SH3PXD2A: variants seen among roughly 807,000 people sequenced by gnomAD.
SH3PXD2A encodes the protein SH3 and PX domains 2A.
In SH3PXD2A, 32 loss-of-function variants were observed where a neutral mutation model predicts 115.2. The observed-to-expected ratio is 0.28, with a 90% CI of 0.21 to 0.37. The LOEUF is 0.37. Ranked by LOEUF, SH3PXD2A falls within the 10% of genes least tolerant of loss-of-function variation. The pLI is 1.00. For missense variants in SH3PXD2A, 1,328 were observed against 1,498.7 expected (o/e 0.89, Z 1.88); for synonymous variants, 610 against 629.1 (o/e 0.97, Z 0.45).
intron 8 of SH3PXD2A, among the ~76,000 whole-genome samples, chr10:103,658,215 G>A (rs2037239416): frequency 6.6e-6 from 1 of 152,174 alleles, no homozygotes; most frequent in Non-Finnish European, 1.5e-5. Flanking sequence ...GAGGTGGCTG[G>A]GTCCCCCTGT....
intron 8 of SH3PXD2A, among the ~76,000 whole-genome samples, chr10:103,651,966 C>G (rs551532731): frequency 6.6e-6 from 1 of 152,220 alleles, no homozygotes; most frequent in African/African-American, 2.4e-5. Context: ...GATCTGCTAT[C>G]GCACACCAGT....
intron 9 of SH3PXD2A, among the ~76,000 whole-genome samples, chr10:103,625,750 C>T (rs2036681618): frequency 6.6e-6 from 1 of 152,132 alleles, no homozygotes; most frequent in South Asian, 2.1e-4. Flanking sequence ...ATTAGCCAGG[C>T]GTAGTGGTAG....
intron 3 of SH3PXD2A, 136 bp from the exon 4 acceptor site, chr10:103,735,944 AAG>A (rs1437305675): frequency 1.3e-6 from 1 of 768,566 alleles, no homozygotes; most frequent in African/African-American, 1.7e-5. Flanking sequence ...TCAAGGAAAC[AAG>A]AGAGAAACAG....
At chr10:103,688,243 C>A (rs2037704569) in intron 6 of SH3PXD2A, among the ~76,000 whole-genome samples, 1 of 152,196 alleles carries the variant, frequency 6.6e-6, no homozygotes, top group Non-Finnish European at 1.5e-5. Flanking sequence ...AGGCAATGAT[C>A]CCCAATTTAA....
At chr10:103,679,577 C>T (rs1160538202) in intron 6 of SH3PXD2A, among the ~76,000 whole-genome samples, 1 of 152,234 alleles carries the variant, frequency 6.6e-6, no homozygotes, top group Non-Finnish European at 1.5e-5. Context: ...GACCAGAACC[C>T]TGTGGCCAAA....
At chr10:103,759,207 C>T (rs982148429) in intron 3 of SH3PXD2A, among the ~76,000 whole-genome samples, 3 of 152,344 alleles carry the variant, frequency 2.0e-5, no homozygotes, top group South Asian at 4.1e-4. Context: ...GCACCCTCTG[C>T]ACTGTGGCTC....
At chr10:103,789,411 T>C (rs550264502) in intron 2 of SH3PXD2A, among the ~76,000 whole-genome samples, 17 of 152,196 alleles carry the variant, frequency 1.1e-4, no homozygotes, top group Non-Finnish European at 2.2e-4. Context: ...CCCAGCACCA[T>C]GCATGGAGTC....
chr10:103,825,292 A>T (rs1214643877), intron 1 of SH3PXD2A, among the ~76,000 whole-genome samples: 3 of 152,184 alleles, frequency 2.0e-5, no homozygotes, highest in Non-Finnish European at 4.4e-5. Context: ...TGATTTCATC[A>T]GCGCCCATTA....
At chr10:103,631,803 G>C (rs12256085) in intron 8 of SH3PXD2A, among the ~76,000 whole-genome samples, 37,464 of 151,984 alleles carry the variant, frequency 0.25, 5,581 homozygotes, top group African/African-American at 0.41. Flanking sequence ...CTCTCACATG[G>C]CTTCGCAGGT....
intron 2 of SH3PXD2A, among the ~76,000 whole-genome samples, chr10:103,798,659 G>A (rs191612497): frequency 2.6e-5 from 4 of 152,328 alleles, no homozygotes; most frequent in African/African-American, 9.6e-5. Context: ...TGGGCCTGGT[G>A]AGCCTGGGAC....
At chr10:103,821,142 C>CTTT (rs5787500) in intron 1 of SH3PXD2A, among the ~76,000 whole-genome samples, 9 of 100,268 alleles carry the variant, frequency 9.0e-5, no homozygotes, top group African/African-American at 1.1e-4. Context: ...GTCGTTCATT[C>CTTT]TTTTTTTTTT....
chr10:103,741,926 C>T (rs541151853), intron 3 of SH3PXD2A, among the ~76,000 whole-genome samples: 1 of 152,288 alleles, frequency 6.6e-6, no homozygotes, highest in East Asian at 1.9e-4. Context: ...TGGAGGATCG[C>T]TTGAACTCAG....
chr10:103,736,073 C>G (rs918063409), intron 3 of SH3PXD2A, among the ~76,000 whole-genome samples: 7 of 152,230 alleles, frequency 4.6e-5, no homozygotes, highest in Admixed American at 4.6e-4. Flanking sequence ...GCCAGGCCAC[C>G]TTGCCTGGAT....
At chr10:103,637,139 G>A (rs1236914665) in intron 8 of SH3PXD2A, among the ~76,000 whole-genome samples, 1 of 152,192 alleles carries the variant, frequency 6.6e-6, no homozygotes, top group African/African-American at 2.4e-5. Context: ...CGGGACTCAT[G>A]CTCTACTCCC....
chr10:103,800,709 C>T (rs1451053728), intron 2 of SH3PXD2A, among the ~76,000 whole-genome samples: 1 of 152,190 alleles, frequency 6.6e-6, no homozygotes, highest in African/African-American at 2.4e-5. Flanking sequence ...GCAGGGGTAG[C>T]TGTGGGACCC....
Position 103,602,256 on chromosome 10 carries a change from G to C in SH3PXD2A, c.2962C>G (p.Pro988Ala). The C allele has an allele frequency of 6.2e-7, 1 of 1,611,952 alleles. No individual in the cohort carries two copies. Among genetic ancestry groups the C allele is most frequent in the East Asian group, 2.2e-5 (1 of 44,874 alleles). Reference protein sequence around the residue: ...RPQSVFVSPPPKDNNLSCALR... With the variant: ...RPQSVFVSPPAKDNNLSCALR... ...GCGCAGGACAGGTTGTTGTCCTTGG[G>C]TGGCGGGGACACAAACACCGACTGG... is the stretch of plus-strand genomic sequence containing the variant. The change falls in exon 15 of 15, where the codon CCC (proline) becomes GCC (alanine). Residue 988 changes from proline (P) to alanine (A), a missense_variant. Coordinates refer to ENST00000369774, the MANE Select transcript of SH3PXD2A (RefSeq NM_001394015.1).
At chr10:103,815,534 C>T (rs891724196) in intron 1 of SH3PXD2A, among the ~76,000 whole-genome samples, 2 of 150,928 alleles carry the variant, frequency 1.3e-5, no homozygotes, top group Admixed American at 6.6e-5. Context: ...AGATATCCTG[C>T]CATTTGACAA....
intron 8 of SH3PXD2A, among the ~76,000 whole-genome samples, chr10:103,660,587 C>A (rs1187057328): frequency 2.0e-5 from 3 of 152,228 alleles, no homozygotes; most frequent in Non-Finnish European, 4.4e-5. Context: ...GCCTTCCCCA[C>A]CAGCTGGCTG....
chr10:103,785,599 C>T (rs1007362031), intron 2 of SH3PXD2A, among the ~76,000 whole-genome samples: 4 of 152,142 alleles, frequency 2.6e-5, no homozygotes, highest in Non-Finnish European at 5.9e-5. Context: ...CCACAGGAGG[C>T]AGGACAGCCT....
Sources: gnomAD v4.1 joint callset for allele counts (sites outside exome capture counted in the v4.1 genomes callset) on GRCh38, gnomAD v4.1.1 for gene constraint, MANE v1.5 for transcripts, NCBI Gene and HGNC (gene_info 2026-07-23, HGNC 2026-07-21) for gene names.